CSMD2: variants seen among roughly 807,000 people sequenced by gnomAD.
CSMD2 encodes the protein CUB and sushi domain-containing protein 2.
In CSMD2, 130 loss-of-function variants were observed where a neutral mutation model predicts 398.5. That is an observed-to-expected ratio of 0.33 (90% confidence interval 0.28 to 0.38). CSMD2 has a LOEUF of 0.38. CSMD2 is among the 10% of genes least tolerant of loss of function. CSMD2 has a pLI of 1.00. For missense variants in CSMD2, 3,829 were observed against 4,764.9 expected, an observed-to-expected ratio of 0.80 and a Z score of 5.78; for synonymous variants, 1,828 against 1,908.5, an observed-to-expected ratio of 0.96 and a Z score of 1.10.
At chr1:33,599,394 T>C (rs1377545717) in intron 44 of CSMD2, 1 of 152,230 alleles carries the variant, frequency 6.6e-6, no homozygotes, top group East Asian at 1.9e-4. Flanking sequence ...TGATGACTAT[T>C]AGAACTATAA....
chr1:33,571,585 C>A lies in CSMD2; in HGVS notation c.7904G>T (p.Arg2635Leu). 6.5e-7 allele frequency: 1 copy of A among 1,547,164 alleles called. No individual in the cohort carries two copies. Among genetic ancestry groups the A allele is most frequent in the Non-Finnish European group, 8.8e-7 (1 of 1,135,168 alleles). ...GCTCCATTTGCCATTGGCCTGACAG[C>A]GGATGACCCTTTGGCCAGTATAGTA... ...GYYYTGQRVI[R>L]CQANGKWSLG... The change falls in exon 51 of 71, where the codon CGC becomes CTC. Residue 2635 changes from arginine to leucine, a missense_variant. Physicochemically the swap from Arg to Leu is moderately radical, Grantham distance 102 (BLOSUM62 -2). Coordinates refer to ENST00000373381, the MANE Select transcript of CSMD2 (RefSeq NM_001281956.2).
chr1:33,554,212 GAC>G (rs1264232582), intron 55 of CSMD2, among the ~76,000 whole-genome samples: 2 of 89,968 alleles, frequency 2.2e-5, no homozygotes, highest in African/African-American at 1.0e-4. Flanking sequence ...TTTTTTTTGA[GAC>G]AGAGTCTTGC....
intron 27 of CSMD2, among the ~76,000 whole-genome samples, chr1:33,654,776 C>A (rs1643898542): frequency 6.6e-6 from 1 of 152,248 alleles, no homozygotes; most frequent in African/African-American, 2.4e-5. Context: ...CAAGGGGGCA[C>A]AACGAGGCCT....
At chr1:33,543,581 G>A (rs145388668) in intron 57 of CSMD2, among the ~76,000 whole-genome samples, 20 of 152,278 alleles carry the variant, frequency 1.3e-4, no homozygotes, top group African/African-American at 4.8e-4. Flanking sequence ...CAGTGATTTC[G>A]GGCATGCCTG....
chr1:33,842,604 T>C (rs1660966938), intron 6 of CSMD2, among the ~76,000 whole-genome samples: 1 of 152,184 alleles, frequency 6.6e-6, no homozygotes, highest in Non-Finnish European at 1.5e-5. Flanking sequence ...TGTGGGCCTC[T>C]TGTGTCAGTC....
chr1:33,531,809 A>C (rs553521655), intron 64 of CSMD2, among the ~76,000 whole-genome samples: 6 of 152,356 alleles, frequency 3.9e-5, no homozygotes. Context: ...ACTATGGGCT[A>C]AGAGAAGGGG....
chr1:33,970,106 C>CA (rs1217263931), intron 3 of CSMD2, among the ~76,000 whole-genome samples: 4,013 of 98,570 alleles, frequency 0.041, 166 homozygotes, highest in African/African-American at 0.13. Flanking sequence ...AACTCCATCT[C>CA]AAAAAAAAAA....
intron 13 of CSMD2, among the ~76,000 whole-genome samples, chr1:33,771,223 T>C (rs1651215216): frequency 6.6e-6 from 1 of 152,160 alleles, no homozygotes; most frequent in South Asian, 2.1e-4. Flanking sequence ...TCTCAGGCCC[T>C]GCTTCTGCAG....
At chr1:33,516,769 A>G (rs758421573) in intron 70 of CSMD2, among the ~76,000 whole-genome samples, 199 bp from the exon 71 acceptor site, 28 of 152,252 alleles carry the variant, frequency 1.8e-4, no homozygotes, top group South Asian at 4.1e-4. Context: ...TACGTGCAGC[A>G]GAACATGTAT....
chr1:33,827,030 A>G (rs1400422164), intron 6 of CSMD2, among the ~76,000 whole-genome samples: 1 of 152,090 alleles, frequency 6.6e-6, no homozygotes, highest in Non-Finnish European at 1.5e-5. Context: ...CCATCAGAAA[A>G]TCCTTCCAAA....
At chr1:33,681,696 T>C (rs2149068415) in intron 25 of CSMD2, among the ~76,000 whole-genome samples, 1 of 152,342 alleles carries the variant, frequency 6.6e-6, no homozygotes, top group East Asian at 1.9e-4. Flanking sequence ...CCAGGCATGA[T>C]GGCTCATGCC....
intron 5 of CSMD2, among the ~76,000 whole-genome samples, chr1:33,896,023 T>G (rs2125222594): frequency 6.6e-6 from 1 of 152,286 alleles, no homozygotes; most frequent in African/African-American, 2.4e-5. Context: ...TCTGGGAGGC[T>G]TGCAGGTCCC....
chr1:33,774,209 G>A (rs912990947), intron 12 of CSMD2, among the ~76,000 whole-genome samples: 2 of 151,880 alleles, frequency 1.3e-5, no homozygotes, highest in African/African-American at 4.8e-5. Context: ...GTGTGACCAT[G>A]TGCCAGGTGT....
chr1:34,070,771 T>C (rs1387348937), intron 2 of CSMD2, among the ~76,000 whole-genome samples: 2 of 151,878 alleles, frequency 1.3e-5, no homozygotes, highest in East Asian at 3.9e-4. Flanking sequence ...AGAAAGCTTC[T>C]TTATTGTCCA....
At chr1:33,567,965 T>C in intron 52 of CSMD2, 124 bp from the exon 53 acceptor site, 1 of 1,212,170 alleles carries the variant, frequency 8.2e-7, no homozygotes, top group Admixed American at 2.3e-5. Context: ...AAAATAGTGT[T>C]GAGGACTTGG....
intron 3 of CSMD2, among the ~76,000 whole-genome samples, chr1:33,967,709 T>C (rs1645611807): frequency 6.6e-6 from 1 of 151,956 alleles, no homozygotes; most frequent in Non-Finnish European, 1.5e-5. Flanking sequence ...GGCCAATAGG[T>C]TTGGGGGGCC....
At chr1:33,828,018 C>T (rs1461656952) in intron 6 of CSMD2, among the ~76,000 whole-genome samples, 1 of 152,196 alleles carries the variant, frequency 6.6e-6, no homozygotes, top group Non-Finnish European at 1.5e-5. Context: ...GCCTCCCAGT[C>T]CCCCAACTCT....
At chr1:33,795,758 G>A (rs1011541301) in intron 10 of CSMD2, among the ~76,000 whole-genome samples, 1 of 152,206 alleles carries the variant, frequency 6.6e-6, no homozygotes, top group African/African-American at 2.4e-5. Flanking sequence ...TGAACTCCTG[G>A]AGGGCAGGGG....
At chr1:33,767,680 C>A (rs1650687690) in intron 13 of CSMD2, among the ~76,000 whole-genome samples, 1 of 152,140 alleles carries the variant, frequency 6.6e-6, no homozygotes, top group African/African-American at 2.4e-5. Flanking sequence ...AGGTTTCAAC[C>A]CCAGTATATT....
Sources: allele counts gnomAD v4.1 joint callset (sites outside exome capture counted in the v4.1 genomes callset), GRCh38; gene constraint gnomAD v4.1.1; transcripts MANE v1.5; gene names NCBI Gene and HGNC (gene_info 2026-07-23, HGNC 2026-07-21).